ENOX1: variants seen among roughly 807,000 people sequenced by gnomAD.
ENOX1 encodes the protein ecto-NOX disulfide-thiol exchanger 1, also known as candidate growth-related and time keeping constitutive hydroquinone (NADH) oxidase.
Under a neutral mutation model 82.5 loss-of-function variants are expected in ENOX1, and 42 were observed. That is an observed-to-expected ratio of 0.51 (90% confidence interval 0.40 to 0.66). The LOEUF is 0.66. Ranked by LOEUF, ENOX1 falls within the 30% of genes least tolerant of loss-of-function variation. The pLI, the probability that ENOX1 is intolerant of heterozygous loss-of-function variation, is 0.00. For missense variants in ENOX1, 608 were observed against 811.6 expected, an observed-to-expected ratio of 0.75 and a Z score of 3.05; for synonymous variants, 271 against 282.2, an observed-to-expected ratio of 0.96 and a Z score of 0.40.
chr13:43,572,988 C>T (rs1282263281), intron 2 of ENOX1, among the ~76,000 whole-genome samples: 9 of 152,136 alleles, frequency 5.9e-5, no homozygotes, highest in African/African-American at 1.4e-4. Flanking sequence ...ATGCATTCTT[C>T]GATTCTCTTT....
At chr13:43,465,743 G>A (rs1247761326) in intron 3 of ENOX1, among the ~76,000 whole-genome samples, 5 of 152,120 alleles carry the variant, frequency 3.3e-5, no homozygotes, top group South Asian at 2.1e-4. Context: ...TAGTAGTTAA[G>A]CTAACATGAA....
intron 5 of ENOX1, among the ~76,000 whole-genome samples, chr13:43,376,995 A>G (rs971322806): frequency 1.3e-5 from 2 of 152,204 alleles, no homozygotes; most frequent in Non-Finnish European, 2.9e-5. Context: ...CAGCCTGACC[A>G]GAAGGTTTTC....
At chr13:43,457,539 G>T (rs1464383354) in intron 3 of ENOX1, among the ~76,000 whole-genome samples, 1 of 151,960 alleles carries the variant, frequency 6.6e-6, no homozygotes, top group Non-Finnish European at 1.5e-5. Flanking sequence ...GGGGGAAGGA[G>T]AAAAAGGAAA....
chr13:43,752,790 C>T (rs553556141), intron 1 of ENOX1, among the ~76,000 whole-genome samples: 2 of 152,038 alleles, frequency 1.3e-5, no homozygotes, highest in Non-Finnish European at 2.9e-5. Flanking sequence ...GTCTTGAAAT[C>T]AGTCAAATTT....
intron 3 of ENOX1, among the ~76,000 whole-genome samples, chr13:43,422,367 G>C (rs545338071): frequency 4.1e-4 from 62 of 152,292 alleles, no homozygotes; most frequent in African/African-American, 1.4e-3. Context: ...TATATGTACA[G>C]TACTAAAGAA....
At chr13:43,616,117 G>GATATAGAT (rs1357546310) in intron 2 of ENOX1, among the ~76,000 whole-genome samples, 1 of 14,976 alleles carries the variant, frequency 6.7e-5, no homozygotes, top group Non-Finnish European at 1.5e-4. Context: ...GATATCTATA[G>GATATAGAT]ATCTATAGAT....
At chr13:43,630,936 TG>T (rs2083190296) in intron 2 of ENOX1, among the ~76,000 whole-genome samples, 1 of 110,182 alleles carries the variant, frequency 9.1e-6, no homozygotes, top group South Asian at 3.7e-4. Context: ...TGTGTGTTTG[TG>T]TGTGTGTGTG....
rs759927774 is a variant in ENOX1, at chr13:43,213,973, T to C, written c.*17A>G. ...GTTCACATGGTTTCATTTCCAGAGATGCTTTGCTCTTCGCAGTTAGGTAGT... is the reference window on the plus strand; with the variant it reads ...GTTCACATGGTTTCATTTCCAGAGACGCTTTGCTCTTCGCAGTTAGGTAGT... On this transcript the variant is annotated 3_prime_UTR_variant, in exon 17 of 17. Coordinates refer to ENST00000690772, the MANE Select transcript of ENOX1 (RefSeq NM_001347969.2). The C allele has an allele frequency of 6.2e-7, 1 of 1,611,032 alleles. No homozygotes were observed. Among genetic ancestry groups the C allele is most frequent in the Non-Finnish European group, 8.5e-7 (1 of 1,178,114 alleles).
At chr13:43,658,942 G>A (rs149186037) in intron 2 of ENOX1, among the ~76,000 whole-genome samples, 10 of 152,234 alleles carry the variant, frequency 6.6e-5, no homozygotes, top group Non-Finnish European at 1.0e-4. Context: ...AAATTTTGGT[G>A]AATTATTCCT....
At chr13:43,491,579 C>A (rs2153662225) in intron 2 of ENOX1, among the ~76,000 whole-genome samples, 1 of 152,098 alleles carries the variant, frequency 6.6e-6, no homozygotes, top group South Asian at 2.1e-4. Flanking sequence ...ACCAGCCTGG[C>A]CAACATGGTG....
chr13:43,220,441 G>C (rs959445750), intron 16 of ENOX1, among the ~76,000 whole-genome samples: 2 of 152,094 alleles, frequency 1.3e-5, no homozygotes, highest in African/African-American at 4.8e-5. Context: ...ACCCAATTTA[G>C]CACTTCATTA....
chr13:43,497,431 A>G (rs2153665644), intron 2 of ENOX1, among the ~76,000 whole-genome samples: 1 of 152,222 alleles, frequency 6.6e-6, no homozygotes, highest in African/African-American at 2.4e-5. Flanking sequence ...GATACCTTTT[A>G]TTCCTAGTCT....
chr13:43,415,831 GTGGC>G (rs2054447076), intron 3 of ENOX1, among the ~76,000 whole-genome samples: 1 of 151,792 alleles, frequency 6.6e-6, no homozygotes. Context: ...CCCAGACGGG[GTGGC>G]CGGGCAGAGA....
chr13:43,718,994 G>A (rs1012550924), intron 1 of ENOX1, among the ~76,000 whole-genome samples: 6 of 151,972 alleles, frequency 3.9e-5, no homozygotes, highest in African/African-American at 7.2e-5. Flanking sequence ...AAAAATTATC[G>A]TCATCCTGTA....
chr13:43,353,770 C>T (rs2049964208), intron 8 of ENOX1, among the ~76,000 whole-genome samples: 1 of 152,222 alleles, frequency 6.6e-6, no homozygotes. Flanking sequence ...TTAAAATTTC[C>T]AATCTGTTCT....
intron 1 of ENOX1, among the ~76,000 whole-genome samples, chr13:43,724,425 GA>G (rs1324593361): frequency 3.3e-5 from 5 of 151,928 alleles, no homozygotes; most frequent in Non-Finnish European, 7.4e-5. Context: ...CCAACACATG[GA>G]ATGAAAGGAC....
At chr13:43,391,107 T>C (rs557896839) in intron 5 of ENOX1, among the ~76,000 whole-genome samples, 77 of 152,182 alleles carry the variant, frequency 5.1e-4, no homozygotes, top group African/African-American at 1.7e-3. Context: ...AGGTCACCAA[T>C]GAACCCGGCC....
intron 14 of ENOX1, among the ~76,000 whole-genome samples, chr13:43,248,554 TA>T (rs1409513564): frequency 6.6e-6 from 1 of 152,166 alleles, no homozygotes; most frequent in Non-Finnish European, 1.5e-5. Flanking sequence ...TATTAACTTT[TA>T]ATTTTTTTGG....
At chr13:43,428,261 AAGAG>A (rs1175002341) in intron 3 of ENOX1, among the ~76,000 whole-genome samples, 1 of 152,084 alleles carries the variant, frequency 6.6e-6, no homozygotes, top group Non-Finnish European at 1.5e-5. Context: ...TACTTAGAGA[AAGAG>A]AGAGAGAGAA....
Sources: gnomAD v4.1 joint callset for allele counts (sites outside exome capture counted in the v4.1 genomes callset) on GRCh38, gnomAD v4.1.1 for gene constraint, MANE v1.5 for transcripts, NCBI Gene and HGNC (gene_info 2026-07-23, HGNC 2026-07-21) for gene names.